The following PLCXD2 variants were observed in gnomAD, a reference collection of about 807,000 sequenced individuals.
PLCXD2 encodes PI-PLC X domain-containing protein 2.
Under a neutral mutation model 28.6 loss-of-function variants are expected in PLCXD2, and 21 were observed. The observed-to-expected ratio is 0.73, with a 90% CI of 0.52 to 1.06. The LOEUF (loss-of-function observed/expected upper bound fraction) is 1.06, where lower values mean the gene tolerates loss of function less well. PLCXD2 is among the 50% of genes least tolerant of loss of function. The pLI is 0.00. For synonymous variants in PLCXD2, 140 were observed against 150.1 expected, an observed-to-expected ratio of 0.93 and a Z score of 0.49; for missense variants, 369 against 376.7, an observed-to-expected ratio of 0.98 and a Z score of 0.17.
chr3:111,712,646 C>T (rs72939593), intron 2 of PLCXD2, among the ~76,000 whole-genome samples: 2 of 152,244 alleles, frequency 1.3e-5, no homozygotes, highest in African/African-American at 4.8e-5. Context: ...TAGTCAGGCA[C>T]CTTAGTCACG....
chr3:111,709,057 A>T (rs1409414926), intron 2 of PLCXD2, among the ~76,000 whole-genome samples: 1 of 151,272 alleles, frequency 6.6e-6, no homozygotes, highest in East Asian at 2.0e-4. Flanking sequence ...GTAGGAGAAA[A>T]GAGCTTCAGG....
At chr3:111,719,542 G>A (rs1941318062) in intron 3 of PLCXD2, among the ~76,000 whole-genome samples, 1 of 152,176 alleles carries the variant, frequency 6.6e-6, no homozygotes, top group Admixed American at 6.5e-5. Flanking sequence ...TACATACAAT[G>A]GAATTCTCTT....
chr3:111,705,178 G>A (rs1188690878), intron 1 of PLCXD2, among the ~76,000 whole-genome samples: 2 of 152,100 alleles, frequency 1.3e-5, no homozygotes, highest in African/African-American at 4.8e-5. Context: ...CACCCTTCCA[G>A]TCTCTAATAC....
At chr3:111,679,837 A>G (rs1205600510) in intron 1 of PLCXD2, among the ~76,000 whole-genome samples, 3 of 152,140 alleles carry the variant, frequency 2.0e-5, no homozygotes, top group Admixed American at 6.5e-5. Context: ...CTTTCACCCA[A>G]CATCCCTCCT....
chr3:111,712,643 G>T (rs373028580), intron 2 of PLCXD2, among the ~76,000 whole-genome samples: 1 of 152,136 alleles, frequency 6.6e-6, no homozygotes, highest in Non-Finnish European at 1.5e-5. Flanking sequence ...AGTTAGTCAG[G>T]CACCTTAGTC....
intron 1 of PLCXD2, among the ~76,000 whole-genome samples, chr3:111,704,474 A>T (rs566667093): frequency 6.6e-6 from 1 of 152,388 alleles, no homozygotes; most frequent in Admixed American, 6.5e-5. Flanking sequence ...GTAATTAGGA[A>T]TATGCCTATG....
chr3:111,683,190 G>C (rs1295836864), intron 1 of PLCXD2, among the ~76,000 whole-genome samples: 1 of 152,160 alleles, frequency 6.6e-6, no homozygotes, highest in East Asian at 1.9e-4. Flanking sequence ...GGACTTCCAA[G>C]AGCACCCTTG....
At chr3:111,726,057 A>C in intron 3 of PLCXD2, 2 of 212,866 alleles carry the variant, frequency 9.4e-6, no homozygotes, top group Non-Finnish European at 1.5e-5. Context: ...CATTAGAACT[A>C]TACTGGAGCC....
In PLCXD2 at chr3:111,708,076, A is replaced by G; in HGVS notation, c.314A>G (p.Gln105Arg). ...ACTCAGAACCTGACATTTCGAGAAC[A>G]GCTGGAAGCTGGGATCCGCTACTTT... Residue 105 changes from glutamine to arginine, a missense_variant, in exon 2 of 5, where the codon CAG (glutamine) becomes CGG (arginine). Physicochemically the swap from Gln to Arg is conservative, Grantham distance 43. Coordinates refer to ENST00000477665, the MANE Select transcript of PLCXD2 (RefSeq NM_001185106.1). The G allele has an allele frequency of 6.2e-7, 1 of 1,614,236 alleles. No individual in the cohort carries two copies. Among genetic ancestry groups the G allele is most frequent in the Non-Finnish European group, 8.5e-7 (1 of 1,180,038 alleles).
At chr3:111,698,512 C>T (rs1036508668) in intron 1 of PLCXD2, among the ~76,000 whole-genome samples, 2 of 152,182 alleles carry the variant, frequency 1.3e-5, no homozygotes, top group African/African-American at 2.4e-5. Context: ...AAGTCTGAGT[C>T]CTTTGGGACT....
Position 111,677,157 on chromosome 3 carries a change from A to C in PLCXD2, c.163+1749A>C, listed in dbSNP as rs192161071. On this transcript the variant is annotated intron_variant, in intron 1 of 4. Coordinates refer to ENST00000477665, the MANE Select transcript of PLCXD2 (RefSeq NM_001185106.1). ...GGTCCTGCTAAGGAAAAAGAAAAAA[A>C]AATGGCTTTGACTCCTCAAAAGATG... 182 of 152,276 alleles carry C rather than the reference A, an allele frequency of 1.2e-3. 1 individual carries two copies. The highest frequency in any genetic ancestry group is 4.3e-3 in the African/African-American group (177 of 41,538). 9.4% of individuals were successfully genotyped at this position (152,276 alleles called of 1,614,324 possible). A position where few individuals can be genotyped will look rare whatever the true frequency, so the allele number is the denominator to read the frequency against.
intron 1 of PLCXD2, among the ~76,000 whole-genome samples, chr3:111,700,910 CA>C (rs1039125078): frequency 3.3e-5 from 5 of 151,956 alleles, no homozygotes; most frequent in African/African-American, 1.2e-4. Flanking sequence ...AACTTGTGAT[CA>C]AAAAGTCAGA....
intron 3 of PLCXD2, chr3:111,725,375 C>G (rs1941401919): frequency 2.9e-6 from 1 of 341,670 alleles, no homozygotes; most frequent in South Asian, 1.5e-4. Context: ...TTGTCACTTA[C>G]AACCATTGCC....
At chr3:111,676,863 CG>C (rs1446539776) in intron 1 of PLCXD2, 1 of 152,180 alleles carries the variant, frequency 6.6e-6, no homozygotes, top group African/African-American at 2.4e-5. Flanking sequence ...AGGGCATGTC[CG>C]GGGTAGGTTG....
intron 1 of PLCXD2, among the ~76,000 whole-genome samples, chr3:111,679,298 T>C (rs1289688643): frequency 6.6e-6 from 1 of 151,578 alleles, no homozygotes; most frequent in Non-Finnish European, 1.5e-5. Flanking sequence ...GGAATGGGGG[T>C]ATATGGGAGT....
intron 3 of PLCXD2, among the ~76,000 whole-genome samples, chr3:111,717,523 A>G (rs571510865): frequency 1.3e-5 from 2 of 152,162 alleles, no homozygotes; most frequent in African/African-American, 2.4e-5. Flanking sequence ...AATCCTAATT[A>G]TTTGATCCTT....
intron 2 of PLCXD2, among the ~76,000 whole-genome samples, chr3:111,713,232 G>A (rs1378818453): frequency 6.6e-6 from 1 of 152,220 alleles, no homozygotes; most frequent in Non-Finnish European, 1.5e-5. Context: ...AGAGGGATAT[G>A]AGGGTAGAAT....
At chr3:111,697,047 T>C (rs970740122) in intron 1 of PLCXD2, among the ~76,000 whole-genome samples, 9 of 152,170 alleles carry the variant, frequency 5.9e-5, no homozygotes, top group African/African-American at 2.2e-4. Context: ...CATAAATACT[T>C]TGGTAACCGA....
At chr3:111,685,624 T>C (rs571557260) in intron 1 of PLCXD2, among the ~76,000 whole-genome samples, 4 of 152,240 alleles carry the variant, frequency 2.6e-5, no homozygotes, top group Non-Finnish European at 5.9e-5. Flanking sequence ...TTGTTCTTTC[T>C]TGTGTGTTTA....
Sources: gnomAD v4.1 joint callset for allele counts (sites outside exome capture counted in the v4.1 genomes callset) on GRCh38, gnomAD v4.1.1 for gene constraint, MANE v1.5 for transcripts, NCBI Gene and HGNC (gene_info 2026-07-23, HGNC 2026-07-21) for gene names.